CDH6: variants seen among roughly 807,000 people sequenced by gnomAD.
CDH6 encodes cadherin-6.
In CDH6, 31 loss-of-function variants were observed where a neutral mutation model predicts 78.0. The observed-to-expected ratio is 0.40, with a 90% CI of 0.30 to 0.54. The LOEUF (loss-of-function observed/expected upper bound fraction) is 0.54, where lower values mean the gene tolerates loss of function less well. Among genes scored for constraint, CDH6 ranks in the 20% least tolerant of loss-of-function variants. The pLI is 0.56. For synonymous variants in CDH6, 376 were observed against 368.8 expected, an observed-to-expected ratio of 1.02 and a Z score of -0.23; for missense variants, 724 against 975.9, an observed-to-expected ratio of 0.74 and a Z score of 3.44.
At chr5:31,283,286 C>T (rs1384743923) in intron 2 of CDH6, among the ~76,000 whole-genome samples, 1 of 152,096 alleles carries the variant, frequency 6.6e-6, no homozygotes, top group Admixed American at 6.5e-5. Context: ...CGTTGTAACT[C>T]AAAATATTGT....
intron 5 of CDH6, among the ~76,000 whole-genome samples, chr5:31,301,730 A>G (rs906629364): frequency 2.0e-5 from 3 of 152,236 alleles, no homozygotes; most frequent in African/African-American, 7.2e-5. Flanking sequence ...AATACCTAGT[A>G]ATTAACTAAA....
intron 1 of CDH6, among the ~76,000 whole-genome samples, chr5:31,262,398 TG>T (rs1185697006): frequency 6.6e-6 from 1 of 152,200 alleles, no homozygotes; most frequent in Admixed American, 6.5e-5. Flanking sequence ...CAACCACTTT[TG>T]CATATCAAAT....
chr5:31,293,849 ATTCC>A, intron 2 of CDH6, 109 bp from the exon 3 acceptor site: 1 of 597,934 alleles, frequency 1.7e-6, no homozygotes, highest in Admixed American at 3.6e-5. Flanking sequence ...AAAAACTTGT[ATTCC>A]TTAGAAAGAA....
intron 2 of CDH6, among the ~76,000 whole-genome samples, chr5:31,285,979 C>T (rs972332851): frequency 9.2e-5 from 14 of 152,206 alleles, no homozygotes; most frequent in East Asian, 1.9e-4. Context: ...ATTTCAGGAA[C>T]GTATATTTTT....
chr5:31,309,680 A>C (rs1738090026), intron 7 of CDH6, among the ~76,000 whole-genome samples: 1 of 149,002 alleles, frequency 6.7e-6, no homozygotes, highest in South Asian at 2.1e-4. Context: ...AGACTTAGTC[A>C]TTCATGAAAA....
chr5:31,254,494 G>A (rs536314160), intron 1 of CDH6, among the ~76,000 whole-genome samples: 37 of 152,278 alleles, frequency 2.4e-4, no homozygotes, highest in Admixed American at 7.2e-4. Flanking sequence ...TACATGATAA[G>A]TGCTTAGTTA....
At chr5:31,313,760 T>C (rs554461414) in intron 8 of CDH6, among the ~76,000 whole-genome samples, 3 of 151,438 alleles carry the variant, frequency 2.0e-5, no homozygotes, top group African/African-American at 7.2e-5. Flanking sequence ...GAACATTACA[T>C]AAACAGCTGA....
chr5:31,289,629 C>T (rs950144486), intron 2 of CDH6, among the ~76,000 whole-genome samples: 3 of 152,210 alleles, frequency 2.0e-5, no homozygotes, highest in Non-Finnish European at 4.4e-5. Flanking sequence ...CACACCCTCA[C>T]CAACATTGTT....
At chr5:31,297,238 G>C (rs144718168) in intron 3 of CDH6, 51 bp from the exon 4 acceptor site, 9 of 1,544,384 alleles carry the variant, frequency 5.8e-6, no homozygotes, top group Non-Finnish European at 8.0e-6. Flanking sequence ...GTGTGTCAAA[G>C]ATTGATATGA....
Position 31,323,384 on chromosome 5 carries a change from C to G in CDH6, c.*76C>G. On this transcript the variant is annotated 3_prime_UTR_variant, in exon 12 of 12. Coordinates refer to ENST00000265071, the MANE Select transcript of CDH6 (RefSeq NM_004932.4). The stretch of plus-strand genomic sequence containing the variant: ...TATTTCTTTATATTTATCCACTACT[C>G]CGTGAAGGCTTCTCTGTTCTACCCG... 1 of 1,480,980 alleles carries G rather than the reference C, an allele frequency of 6.8e-7. No homozygotes were observed. Among genetic ancestry groups the G allele is most frequent in the South Asian group, 1.3e-5 (1 of 77,168 alleles). The allele number at this position is 1,480,980 out of a possible 1,614,324, so 91.7% of individuals were successfully genotyped here. A position where few individuals can be genotyped will look rare whatever the true frequency, so the allele number is the denominator to read the frequency against.
Position 31,266,655 on chromosome 5 carries a change from C to A in CDH6, c.-128-691C>A, listed in dbSNP as rs144076220. Among the ~76,000 whole-genome samples the A allele has an allele frequency of 7.0e-3, 1,056 of 151,896 alleles. 17 individuals are homozygous for A. Among genetic ancestry groups the A allele is most frequent in the African/African-American group, 0.025 (1,020 of 41,420 alleles). On this transcript the variant is annotated intron_variant, in intron 1 of 11. Coordinates refer to ENST00000265071, the MANE Select transcript of CDH6 (RefSeq NM_004932.4). ...CTCTAAGGAAAAAAAAAAAAGTTTT[C>A]TGGTCAAGTTTGGGAAATGCTGGAT... is the stretch of plus-strand genomic sequence containing the variant.
intron 2 of CDH6, among the ~76,000 whole-genome samples, chr5:31,269,271 A>T (rs1347906119): frequency 8.6e-6 from 1 of 115,886 alleles, no homozygotes; most frequent in African/African-American, 3.0e-5. Flanking sequence ...TTCTTAAAAA[A>T]AAAAAAAAAA....
chr5:31,288,752 CT>C (rs752878936), intron 2 of CDH6, among the ~76,000 whole-genome samples: 22 of 152,324 alleles, frequency 1.4e-4, no homozygotes, highest in South Asian at 1.2e-3. Flanking sequence ...CTCTAATTGT[CT>C]TATAATAGCT....
In CDH6 at chr5:31,317,846, G is replaced by A; in HGVS notation, c.1804G>A (p.Ala602Thr). Residue 602 changes from alanine (A) to threonine (T), a missense_variant, in exon 11 of 12, where the codon GCG becomes ACG. Transcript: ENST00000265071. Reference protein sequence around the residue: ...DHHGNMQSCHAEALIHPTGLS... With the variant: ...DHHGNMQSCHTEALIHPTGLS... The stretch of plus-strand genomic sequence containing the variant: ...CCACGGGAACATGCAATCCTGCCAT[G>A]CGGAGGCGCTCATCCACCCCACGGG... The A allele has an allele frequency of 6.2e-7, 1 of 1,614,088 alleles. No homozygotes were observed. Among genetic ancestry groups the A allele is most frequent in the Non-Finnish European group, 8.5e-7 (1 of 1,179,976 alleles).
At chr5:31,199,462 ATATACACACACATATGTGTATATATG>A (rs1740267838) in intron 1 of CDH6, among the ~76,000 whole-genome samples, 4 of 92,550 alleles carry the variant, frequency 4.3e-5, no homozygotes, top group African/African-American at 1.5e-4. Context: ...ATATGTGTAT[ATATACACACACATATGTGTATATATG>A]TACACACACA....
intron 6 of CDH6, 193 bp downstream of exon 6, chr5:31,302,491 G>T: frequency 4.4e-6 from 2 of 459,706 alleles, no homozygotes; most frequent in Non-Finnish European, 7.9e-6. Flanking sequence ...TGGGGGCCAA[G>T]GCAGGAGGAT....
chr5:31,308,037 A>G (rs550583828), intron 7 of CDH6, among the ~76,000 whole-genome samples: 1 of 152,302 alleles, frequency 6.6e-6, no homozygotes, highest in East Asian at 1.9e-4. Flanking sequence ...ATGGTATTCC[A>G]GTGCCCTTTT....
chr5:31,317,583 C>T (rs1043773570), intron 10 of CDH6, 90 bp from the exon 11 acceptor site: 1 of 1,517,262 alleles, frequency 6.6e-7, no homozygotes, highest in Non-Finnish European at 9.0e-7. Flanking sequence ...ATGTACATAT[C>T]TGTATCTATA....
chr5:31,292,903 G>C (rs1485235634), intron 2 of CDH6, among the ~76,000 whole-genome samples: 1 of 143,700 alleles, frequency 7.0e-6, no homozygotes, highest in Non-Finnish European at 1.5e-5. Flanking sequence ...ATGTCCTATA[G>C]ACCTATAGTT....
Sources: gnomAD v4.1 joint callset for allele counts (sites outside exome capture counted in the v4.1 genomes callset) on GRCh38, gnomAD v4.1.1 for gene constraint, MANE v1.5 for transcripts, NCBI Gene and HGNC (gene_info 2026-07-23, HGNC 2026-07-21) for gene names.